RUFY1: variants seen among roughly 807,000 people sequenced by gnomAD.
RUFY1 encodes RUN and FYVE domain containing 1.
Under a neutral mutation model 94.6 loss-of-function variants are expected in RUFY1, and 54 were observed. The observed-to-expected ratio is 0.57, with a 90% CI of 0.46 to 0.72. The LOEUF is 0.72. RUFY1 is among the 30% of genes least tolerant of loss of function. RUFY1 has a pLI of 0.00. For missense variants in RUFY1, 883 were observed against 883.9 expected (o/e 1.00, Z 0.01); for synonymous variants, 396 against 347.3 (o/e 1.14, Z -1.56).
intron 1 of RUFY1, among the ~76,000 whole-genome samples, chr5:179,556,550 G>C (rs1000931137): frequency 6.6e-6 from 1 of 151,824 alleles, no homozygotes; most frequent in African/African-American, 2.4e-5. Flanking sequence ...GCCCAGCCTG[G>C]AATGCAGTGG....
chr5:179,585,117 T>G (rs1180887819), intron 7 of RUFY1, among the ~76,000 whole-genome samples: 2 of 151,564 alleles, frequency 1.3e-5, no homozygotes, highest in African/African-American at 4.9e-5. Context: ...GGCGAAAGAG[T>G]AAGACTCTGT....
At chr5:179,560,768 T>C (rs1762399466) in intron 2 of RUFY1, among the ~76,000 whole-genome samples, 1 of 149,474 alleles carries the variant, frequency 6.7e-6, no homozygotes, top group African/African-American at 2.5e-5. Flanking sequence ...AAGTGTTAGA[T>C]GAGATGCCTT....
chr5:179,602,990 G>A (rs535324798), intron 15 of RUFY1, among the ~76,000 whole-genome samples: 2 of 152,276 alleles, frequency 1.3e-5, no homozygotes, highest in South Asian at 2.1e-4. Context: ...AAAATAGGCC[G>A]GGTGCGGTGG....
rs779046484 is a variant in RUFY1, at chr5:179,550,758, G to T, written c.189G>T (p.Ser63=). 1.4e-6 allele frequency: 2 copies of T among 1,442,564 alleles called. No individual in the cohort carries two copies. The highest frequency in any genetic ancestry group is 1.8e-6 in the Non-Finnish European group (2 of 1,097,476). 89.4% of individuals were successfully genotyped at this position (1,442,564 alleles called of 1,614,324 possible). Residue 63 remains serine, a synonymous_variant, in exon 1 of 18, where the codon TCG becomes TCT. Coordinates refer to ENST00000319449, the MANE Select transcript of RUFY1 (RefSeq NM_025158.5). The stretch of plus-strand genomic sequence containing the variant: ...GGCCGCGGGCGGCCGAGGGCTGGTC[G>T]GCGCCCATCCTGACCCTGGCACGCA... ...ATRPRAAEGW[S]APILTLARRA... is the part of the protein sequence containing the mutation.
At chr5:179,559,737 T>G (rs1185564590) in intron 1 of RUFY1, 1 of 1,120,606 alleles carries the variant, frequency 8.9e-7, no homozygotes, top group Non-Finnish European at 1.1e-6. Flanking sequence ...CGGCGAGTCT[T>G]GCTAAAGCCG....
intron 2 of RUFY1, 85 bp downstream of exon 2, chr5:179,560,283 T>G: frequency 3.4e-6 from 5 of 1,488,940 alleles, no homozygotes; most frequent in Non-Finnish European, 4.5e-6. Context: ...GACATCCTTC[T>G]AGATGCTGAA....
At chr5:179,608,693 T>C (rs1767368073) in intron 17 of RUFY1, 1 of 924,544 alleles carries the variant, frequency 1.1e-6, no homozygotes, top group Non-Finnish European at 1.3e-6. Flanking sequence ...TTTGGGAGGC[T>C]GAGGTGGGTG....
intron 14 of RUFY1, chr5:179,600,051 C>T (rs1766184336): frequency 6.6e-6 from 1 of 152,232 alleles, no homozygotes; most frequent in African/African-American, 2.4e-5. Flanking sequence ...TTCAGAAAGT[C>T]CCGCCTCATC....
intron 5 of RUFY1, among the ~76,000 whole-genome samples, chr5:179,572,949 G>A (rs1763331917): frequency 6.6e-6 from 1 of 152,166 alleles, no homozygotes; most frequent in South Asian, 2.1e-4. Context: ...TTGGCATAGT[G>A]TGAAGTAGGA....
intron 4 of RUFY1, among the ~76,000 whole-genome samples, chr5:179,568,305 TTTTATA>T (rs1202188273): frequency 2.0e-5 from 3 of 152,210 alleles, no homozygotes; most frequent in South Asian, 2.1e-4. Flanking sequence ...CTGGTTCATT[TTTTATA>T]TTTATAAGTA....
chr5:179,560,891 T>A (rs536431723), intron 2 of RUFY1, among the ~76,000 whole-genome samples: 286 of 152,132 alleles, frequency 1.9e-3, no homozygotes, highest in African/African-American at 6.7e-3. Context: ...ATCCAAAATA[T>A]CATTCAACAC....
chr5:179,566,382 A>G (rs1047122021), intron 3 of RUFY1, among the ~76,000 whole-genome samples: 4 of 152,106 alleles, frequency 2.6e-5, no homozygotes, highest in African/African-American at 9.7e-5. Flanking sequence ...AGGTGGGTGG[A>G]TTACTTGAGG....
In RUFY1 at chr5:179,588,226, G is replaced by C. The variant is rs1178968000; in HGVS notation, c.1027-1320G>C. 2.6e-5 allele frequency among the ~76,000 whole-genome samples: 4 copies of C among 152,076 alleles called. No homozygotes were observed. In the East Asian group the frequency reaches 7.7e-4, roughly 29 times the overall value. Reference sequence around the variant, plus strand: ...AGTCTAAGTGGAGAGGAATTCTCAGGGGGTGTAGACACTGTTGACAGAGAA... The same window carrying C: ...AGTCTAAGTGGAGAGGAATTCTCAGCGGGTGTAGACACTGTTGACAGAGAA... On this transcript the variant is annotated intron_variant, in intron 8 of 17. Transcript: ENST00000319449.
At chr5:179,592,001 G>A (rs1423585142) in intron 10 of RUFY1, among the ~76,000 whole-genome samples, 2 of 152,050 alleles carry the variant, frequency 1.3e-5, no homozygotes, top group Admixed American at 6.6e-5. Flanking sequence ...GCTGGAGTGC[G>A]ATGGCGCGAT....
chr5:179,571,571 T>G (rs546785313), intron 5 of RUFY1, among the ~76,000 whole-genome samples: 1 of 152,232 alleles, frequency 6.6e-6, no homozygotes, highest in South Asian at 2.1e-4. Flanking sequence ...GTCCGTGTAT[T>G]TCCTTAGGAT....
At chr5:179,588,573 A>C (rs1033114466) in intron 8 of RUFY1, among the ~76,000 whole-genome samples, 2 of 152,114 alleles carry the variant, frequency 1.3e-5, no homozygotes, top group African/African-American at 4.8e-5. Flanking sequence ...CCTCCCTGCA[A>C]ATTCTTTAAT....
intron 8 of RUFY1, among the ~76,000 whole-genome samples, chr5:179,588,684 G>A (rs751840949): frequency 5.9e-5 from 9 of 152,252 alleles, no homozygotes; most frequent in Non-Finnish European, 1.3e-4. Context: ...TTTACTAAGT[G>A]ACAACTATTC....
At chr5:179,555,978 A>G (rs556376570) in intron 1 of RUFY1, among the ~76,000 whole-genome samples, 22 of 152,026 alleles carry the variant, frequency 1.4e-4, no homozygotes, top group East Asian at 1.2e-3. Flanking sequence ...GATTACAGGC[A>G]TGAGACACTG....
intron 6 of RUFY1, among the ~76,000 whole-genome samples, chr5:179,580,247 T>G (rs867137064): frequency 2.1e-4 from 10 of 47,050 alleles, no homozygotes; most frequent in Admixed American, 4.3e-4. Flanking sequence ...GTGTGTATAT[T>G]TTTTTTTTTT....
Sources: allele counts gnomAD v4.1 joint callset (sites outside exome capture counted in the v4.1 genomes callset), GRCh38; gene constraint gnomAD v4.1.1; transcripts MANE v1.5; gene names NCBI Gene and HGNC (gene_info 2026-07-23, HGNC 2026-07-21).